Variants in HLCS observed in about 807,000 individuals in gnomAD.
HLCS encodes the protein holocarboxylase synthetase, also known as biotin--protein ligase.
In HLCS, 53 loss-of-function variants were observed where a neutral mutation model predicts 75.0. The ratio of observed to expected loss-of-function variants is 0.71; its 90% CI spans 0.57 to 0.89. The LOEUF (loss-of-function observed/expected upper bound fraction) is 0.89, where lower values mean the gene tolerates loss of function less well. HLCS is among the 40% of genes least tolerant of loss of function. The probability of loss-of-function intolerance (pLI) is 0.00; values close to 1 mark genes in which losing one functional copy is unlikely to be tolerated. For synonymous variants in HLCS, 431 were observed against 428.6 expected (o/e 1.01, Z -0.07); for missense variants, 966 against 1,074.0 (o/e 0.90, Z 1.41).
intron 5 of HLCS, among the ~76,000 whole-genome samples, chr21:36,924,547 C>T (rs539734746): frequency 2.0e-4 from 30 of 152,260 alleles, no homozygotes; most frequent in African/African-American, 7.2e-4. Context: ...GCGACAAGAG[C>T]AAGACTCCAT....
At chr21:36,839,837 C>A (rs2062556476) in intron 6 of HLCS, among the ~76,000 whole-genome samples, 1 of 152,220 alleles carries the variant, frequency 6.6e-6, no homozygotes, top group African/African-American at 2.4e-5. Context: ...CTCCAGAGAG[C>A]CACATGATGC....
intron 9 of HLCS, among the ~76,000 whole-genome samples, chr21:36,758,721 G>C (rs540876474): frequency 6.6e-6 from 1 of 152,146 alleles, no homozygotes; most frequent in South Asian, 2.1e-4. Context: ...AGTGGCTCAC[G>C]TCTGTAATGC....
intron 5 of HLCS, among the ~76,000 whole-genome samples, chr21:36,899,160 A>T (rs2065135471): frequency 6.6e-6 from 1 of 152,210 alleles, no homozygotes; most frequent in Admixed American, 6.5e-5. Context: ...CAAAATACAT[A>T]AAGTAAGGCA....
chr21:36,846,726 T>C (rs1350812167), intron 6 of HLCS, among the ~76,000 whole-genome samples: 2 of 152,212 alleles, frequency 1.3e-5, no homozygotes, highest in Non-Finnish European at 2.9e-5. Context: ...ATCTCCTTTT[T>C]ACTTTTCAAC....
rs958525048 is a variant in HLCS at position 36,750,860 on chromosome 21, A to C, written c.*3386T>G. The stretch of plus-strand genomic sequence containing the variant: ...TCAAGTCAAGAAGTTTCCACAAAAG[A>C]AAAGAAAAATCCTAAAAACAATCTA... On this transcript the variant is annotated 3_prime_UTR_variant, in exon 11 of 11. Transcript: ENST00000674895. The C allele has an allele frequency of 1.3e-5, 2 of 151,960 alleles. No individual in the cohort carries two copies. The highest frequency in any genetic ancestry group is 1.3e-4 in the Admixed American group (2 of 15,252). 9.4% of individuals were successfully genotyped at this position (151,960 alleles called of 1,614,324 possible). A position where few individuals can be genotyped will look rare whatever the true frequency, so the allele number is the denominator to read the frequency against.
chr21:36,962,287 T>G lies in HLCS; in HGVS notation c.196-117A>C. Reference sequence around the variant, plus strand: ...AATTCCAAGTGACATGGAAATAAGCTTATCTGATGCTCCTCTGCAGGCCGC... The same window carrying G: ...AATTCCAAGTGACATGGAAATAAGCGTATCTGATGCTCCTCTGCAGGCCGC... On this transcript the variant is annotated intron_variant, in intron 1 of 10. Coordinates refer to ENST00000674895, the MANE Select transcript of HLCS (RefSeq NM_001352514.2). 4 of 630,888 alleles carry G rather than the reference T, an allele frequency of 6.3e-6. No individual in the cohort carries two copies. The South Asian group carries it at 7.3e-5, about 12-fold the overall frequency. The allele number at this position is 630,888 out of a possible 1,614,324, so 39.1% of individuals were successfully genotyped here.
intron 1 of HLCS, among the ~76,000 whole-genome samples, chr21:36,979,756 A>G (rs2069055895): frequency 6.6e-6 from 1 of 151,938 alleles, no homozygotes; most frequent in Non-Finnish European, 1.5e-5. Context: ...CTGTACAGAA[A>G]ATTAAAAATT....
chr21:36,989,314 C>CTTTTTTT (rs35073331), intron 1 of HLCS, among the ~76,000 whole-genome samples: 2 of 80,014 alleles, frequency 2.5e-5, no homozygotes, highest in Non-Finnish European at 4.4e-5. Flanking sequence ...TCTGGCCCAT[C>CTTTTTTT]TTTTTTTTTT....
rs34057978 is a variant in HLCS at position 36,926,741 on chromosome 21, CT to C, written c.1620+3509del. ...CCAGATTTCCTTCCAGTCTTGTTTCCTTTTTTTTTTTTTTTTTTTGAGACAG... is the reference window on the plus strand; with the variant it reads ...CCAGATTTCCTTCCAGTCTTGTTTCCTTTTTTTTTTTTTTTTTTGAGACAG... On this transcript the variant is annotated intron_variant, in intron 5 of 10. Coordinates refer to ENST00000674895, the MANE Select transcript of HLCS (RefSeq NM_001352514.2). 9.7e-3 allele frequency among the ~76,000 whole-genome samples: 1,234 copies of C among 127,042 alleles called. 6 individuals carry two copies. The highest frequency in any genetic ancestry group is 0.017 in the African/African-American group (610 of 35,184). 83.3% of individuals were successfully genotyped at this position (127,042 alleles called of 152,430 possible). A position where few individuals can be genotyped will look rare whatever the true frequency, so the allele number is the denominator to read the frequency against.
chr21:36,812,347 G>C (rs2835462), intron 6 of HLCS, among the ~76,000 whole-genome samples: 18,194 of 152,178 alleles, frequency 0.12, 1,492 homozygotes, highest in Non-Finnish European at 0.18. Context: ...CTAACACACA[G>C]AGTATGTTAG....
At position 36,897,207 on chromosome 21, in the gene HLCS, C is replaced by T. The variant is rs553768137; in HGVS notation, c.1621-76G>A. 825 of 1,489,012 alleles carry T rather than the reference C, an allele frequency of 5.5e-4. 6 individuals are homozygous for T. In the African/African-American group the frequency reaches 9.0e-3, roughly 16 times the overall value. The allele number at this position is 1,489,012 out of a possible 1,614,324, so 92.2% of individuals were successfully genotyped here. ...ATCATGGTAGCTTTTCCTTATAATG[C>T]CATTTTGGTAATATGAGTACTTCCT... is the stretch of plus-strand genomic sequence containing the variant. On this transcript the variant is annotated intron_variant, in intron 5 of 10. Transcript: ENST00000674895.
chr21:36,923,291 G>A (rs572535288), intron 5 of HLCS, among the ~76,000 whole-genome samples: 2 of 152,292 alleles, frequency 1.3e-5, no homozygotes, highest in South Asian at 4.1e-4. Context: ...TAGGAAGCCC[G>A]GGTAGGAGAC....
intron 6 of HLCS, among the ~76,000 whole-genome samples, chr21:36,773,987 T>C (rs1468480949): frequency 6.6e-6 from 1 of 152,160 alleles, no homozygotes; most frequent in Non-Finnish European, 1.5e-5. Flanking sequence ...ACTTTAACAA[T>C]ACGATTGATT....
At chr21:36,942,671 A>C (rs2067202716) in intron 2 of HLCS, among the ~76,000 whole-genome samples, 1 of 152,190 alleles carries the variant, frequency 6.6e-6, no homozygotes, top group Admixed American at 6.5e-5. Flanking sequence ...AAAAGATATC[A>C]AGAAAATGCA....
At chr21:36,913,242 T>C (rs2146410242) in intron 5 of HLCS, among the ~76,000 whole-genome samples, 1 of 152,302 alleles carries the variant, frequency 6.6e-6, no homozygotes, top group East Asian at 1.9e-4. Flanking sequence ...ATCCTTGCTC[T>C]AATTCCTATC....
chr21:36,903,200 T>G (rs973581190), intron 5 of HLCS, among the ~76,000 whole-genome samples: 4 of 152,174 alleles, frequency 2.6e-5, no homozygotes, highest in African/African-American at 9.7e-5. Flanking sequence ...GACTACAGAA[T>G]ACCAAGATAT....
chr21:36,946,065 A>G, intron 2 of HLCS: 2 of 977,244 alleles, frequency 2.0e-6, no homozygotes, highest in Non-Finnish European at 2.4e-6. Flanking sequence ...CTGGGCCACA[A>G]GGGTGCTCTT....
chr21:36,750,440 C>A lies in HLCS; in HGVS notation c.*3806G>T, dbSNP rs924882602. Among the ~76,000 whole-genome samples the A allele has an allele frequency of 6.6e-6, 1 of 152,126 alleles. No homozygotes were observed. Among genetic ancestry groups the A allele is most frequent in the South Asian group, 2.1e-4 (1 of 4,832 alleles). On this transcript the variant is annotated 3_prime_UTR_variant, in exon 11 of 11. Coordinates refer to ENST00000674895, the MANE Select transcript of HLCS (RefSeq NM_001352514.2). ...AGTGGGCTGGGTGTGGAGGGCAGCG[C>A]GGAGGGTATCTGCAAGAGCCTGTAT...
chr21:36,927,608 G>A (rs1379877032), intron 5 of HLCS, among the ~76,000 whole-genome samples: 4 of 152,098 alleles, frequency 2.6e-5, no homozygotes, highest in South Asian at 2.1e-4. Context: ...CACAGTAAAC[G>A]TTGAATGAAA....
Sources: allele counts gnomAD v4.1 joint callset (sites outside exome capture counted in the v4.1 genomes callset), GRCh38; gene constraint gnomAD v4.1.1; transcripts MANE v1.5; gene names NCBI Gene and HGNC (gene_info 2026-07-23, HGNC 2026-07-21).